Variants in CMYA5 observed in about 807,000 individuals in gnomAD.
CMYA5 encodes the protein cardiomyopathy associated 5.
A neutral mutation model predicts 318.9 loss-of-function variants in CMYA5; 246 were observed. The ratio of observed to expected loss-of-function variants is 0.77; its 90% CI spans 0.70 to 0.86. CMYA5 has a LOEUF of 0.86. Ranked by LOEUF, CMYA5 falls within the 40% of genes least tolerant of loss-of-function variation. The pLI is 0.00. For synonymous variants in CMYA5, 1,641 were observed against 1,729.5 expected, an observed-to-expected ratio of 0.95 and a Z score of 1.27; for missense variants, 4,589 against 4,678.2, an observed-to-expected ratio of 0.98 and a Z score of 0.56.
At chr5:79,748,637 G>T (rs931359929) in intron 5 of CMYA5, among the ~76,000 whole-genome samples, 2 of 151,980 alleles carry the variant, frequency 1.3e-5, no homozygotes, top group Non-Finnish European at 2.9e-5. Context: ...CCACCTCCCG[G>T]GTTTAAGCAA....
At chr5:79,762,975 C>A (rs1390743430) in intron 8 of CMYA5, 87 bp from the exon 9 acceptor site, 2 of 1,426,434 alleles carry the variant, frequency 1.4e-6, no homozygotes, top group Admixed American at 2.1e-5. Flanking sequence ...CAGAATCATG[C>A]CGAAGCCGTG....
chr5:79,756,040 A>G (rs1828521540), intron 6 of CMYA5, among the ~76,000 whole-genome samples: 1 of 152,254 alleles, frequency 6.6e-6, no homozygotes, highest in South Asian at 2.1e-4. Flanking sequence ...ATTCTCAAAT[A>G]CTGCTTCAAA....
chr5:79,741,427 G>T (rs973006394), intron 2 of CMYA5, among the ~76,000 whole-genome samples: 1 of 152,118 alleles, frequency 6.6e-6, no homozygotes, highest in Admixed American at 6.5e-5. Context: ...TTAGGTCCTT[G>T]TTAAATAATT....
At chr5:79,788,466 ATTTTTTTT>A (rs3061542) in intron 9 of CMYA5, among the ~76,000 whole-genome samples, 1 of 139,604 alleles carries the variant, frequency 7.2e-6, no homozygotes, top group African/African-American at 2.6e-5. Context: ...AACTTTGAGA[ATTTTTTTT>A]TTTTTTTTTT....
intron 5 of CMYA5, among the ~76,000 whole-genome samples, chr5:79,748,520 CCTATCTATCTAT>C (rs5869002): frequency 4.0e-5 from 6 of 149,082 alleles, no homozygotes; most frequent in Non-Finnish European, 5.9e-5. Flanking sequence ...TATCTATCTA[CCTATCTATCTAT>C]CTATCTATCT....
intron 9 of CMYA5, among the ~76,000 whole-genome samples, chr5:79,769,382 G>A (rs763412071): frequency 2.0e-5 from 3 of 151,968 alleles, no homozygotes; most frequent in Non-Finnish European, 4.4e-5. Context: ...AGGTGTTCTG[G>A]TTTTTGGAAT....
chr5:79,786,033 G>A (rs1219607733), intron 9 of CMYA5, among the ~76,000 whole-genome samples: 2 of 152,156 alleles, frequency 1.3e-5, no homozygotes, highest in Non-Finnish European at 2.9e-5. Context: ...TCTCTCATTC[G>A]CAGAGCAGCC....
Position 79,689,996 on chromosome 5 carries a change from A to G in CMYA5, c.89A>G (p.Glu30Gly). The change falls in exon 1 of 13, where the codon GAG becomes GGG. Residue 30 changes from glutamate to glycine, a missense_variant. This residue lies in a region of CMYA5 where 2,132 missense variants were observed against 2,131.3 expected (regional missense o/e 1.00). Coordinates refer to ENST00000446378, the MANE Select transcript of CMYA5 (RefSeq NM_153610.5). ...GCGACCCGGGAGCTGGAGACCGAGGAGGAGTCGGAGGGCGAGGAGGACGAG... is the reference window on the plus strand; with the variant it reads ...GCGACCCGGGAGCTGGAGACCGAGGGGGAGTCGGAGGGCGAGGAGGACGAG... ...EEATRELETE[E>G]ESEGEEDETA... 6.9e-7 allele frequency: 1 copy of G among 1,446,710 alleles called. No individual in the cohort carries two copies. Among genetic ancestry groups the G allele is most frequent in the Non-Finnish European group, 9.4e-7 (1 of 1,068,016 alleles). 89.6% of individuals were successfully genotyped at this position (1,446,710 alleles called of 1,614,324 possible).
intron 9 of CMYA5, among the ~76,000 whole-genome samples, chr5:79,772,458 A>G (rs763764043): frequency 1.8e-4 from 27 of 152,188 alleles, no homozygotes; most frequent in Non-Finnish European, 3.5e-4. Context: ...GTGCAACGAT[A>G]TGTTCAGTCC....
At chr5:79,752,923 T>C (rs1435131036) in intron 6 of CMYA5, 129 bp downstream of exon 6, 3 of 599,240 alleles carry the variant, frequency 5.0e-6, no homozygotes, top group Admixed American at 2.9e-5. Flanking sequence ...AAAGTATTAG[T>C]TGTAAAATGT....
Position 79,732,767 on chromosome 5 carries a change from A to G in CMYA5, c.4002A>G (p.Leu1334=). 2 of 1,613,820 alleles carry G rather than the reference A, an allele frequency of 1.2e-6. No homozygotes were observed. The highest frequency in any genetic ancestry group is 1.7e-6 in the Non-Finnish European group (2 of 1,179,840). Residue 1334 remains leucine, a synonymous_variant, in exon 2 of 13, where the codon CTA becomes CTG. Coordinates refer to ENST00000446378, the MANE Select transcript of CMYA5 (RefSeq NM_153610.5). Reference sequence around the variant, plus strand: ...AAGTTGAACATGGTCCACCTGCACTAGCATTTTCAGCTTTGTCAGAAGAAA... The same window carrying G: ...AAGTTGAACATGGTCCACCTGCACTGGCATTTTCAGCTTTGTCAGAAGAAA... ...EKQVEHGPPA[L]AFSALSEEIK...
chr5:79,790,093 G>T (rs553239042), intron 10 of CMYA5, among the ~76,000 whole-genome samples: 3 of 152,142 alleles, frequency 2.0e-5, no homozygotes, highest in African/African-American at 4.8e-5. Context: ...ACAAGCGATC[G>T]GCTTACCCAG....
intron 8 of CMYA5, chr5:79,762,188 CCAGATATACA>C (rs1396253700): frequency 1.1e-5 from 5 of 462,854 alleles, no homozygotes; most frequent in Admixed American, 3.5e-5. Flanking sequence ...AGGGCCATAT[CCAGATATACA>C]CAGGTTATTA....
intron 12 of CMYA5, among the ~76,000 whole-genome samples, chr5:79,795,043 A>C (rs1464691394): frequency 6.6e-6 from 1 of 152,166 alleles, no homozygotes; most frequent in East Asian, 1.9e-4. Flanking sequence ...AAATCTTTAA[A>C]AAGCCCACAC....
At position 79,799,875 on chromosome 5, in the gene CMYA5, G is replaced by C; in HGVS notation, c.*259G>C. Reference sequence around the variant, plus strand: ...GTTTGAGTTCTTTCCTAAATTAAAAGATCTACACTTGAGTTGGGAACCGAA... The same window carrying C: ...GTTTGAGTTCTTTCCTAAATTAAAACATCTACACTTGAGTTGGGAACCGAA... On this transcript the variant is annotated 3_prime_UTR_variant, in exon 13 of 13. Transcript: ENST00000446378. The C allele has an allele frequency of 3.9e-6, 1 of 258,052 alleles. No individual in the cohort carries two copies. The highest frequency in any genetic ancestry group is 7.5e-6 in the Non-Finnish European group (1 of 134,164). 16.0% of individuals were successfully genotyped at this position (258,052 alleles called of 1,614,324 possible).
intron 1 of CMYA5, among the ~76,000 whole-genome samples, chr5:79,715,427 A>G (rs1031018374): frequency 2.6e-5 from 4 of 152,094 alleles, no homozygotes; most frequent in Admixed American, 2.6e-4. Context: ...AGCTGGGACT[A>G]CAGGCGCCCG....
In CMYA5 at chr5:79,730,840, C is replaced by T; in HGVS notation, c.2075C>T (p.Pro692Leu). Residue 692 changes from proline (P) to leucine (L), a missense_variant, in exon 2 of 13, where the codon CCA becomes CTA. Around this residue, in one of 3 missense-constraint regions of CMYA5, gnomAD observed 2,132 missense variants for 2,131.3 expected, o/e 1.00. Transcript: ENST00000446378. ...GCCTCAGAAAGTGGGTGTTACACACCAGACTCCACATCTGCTTCTGAATAT... is the reference window on the plus strand; with the variant it reads ...GCCTCAGAAAGTGGGTGTTACACACTAGACTCCACATCTGCTTCTGAATAT... ...DEASESGCYTPDSTSASEYSV... is the reference protein window; with the variant it reads ...DEASESGCYTLDSTSASEYSV... The T allele has an allele frequency of 6.2e-7, 1 of 1,613,912 alleles. No individual in the cohort carries two copies. The highest frequency in any genetic ancestry group is 1.7e-5 in the Admixed American group (1 of 59,994).
chr5:79,742,609 C>G (rs762546340), intron 2 of CMYA5, among the ~76,000 whole-genome samples: 1 of 152,178 alleles, frequency 6.6e-6, no homozygotes, highest in Non-Finnish European at 1.5e-5. Flanking sequence ...ACAGATCACC[C>G]AAGTCCTTGT....
chr5:79,707,161 G>C (rs1827290732), intron 1 of CMYA5, among the ~76,000 whole-genome samples: 1 of 152,154 alleles, frequency 6.6e-6, no homozygotes, highest in Non-Finnish European at 1.5e-5. Flanking sequence ...GGTCCTAAAT[G>C]ATGAGTGTTA....
Sources: gnomAD v4.1 joint callset for allele counts (sites outside exome capture counted in the v4.1 genomes callset) on GRCh38, gnomAD v4.1.1 for gene constraint, gnomAD v4.1.1 regional missense constraint, MANE v1.5 for transcripts, NCBI Gene and HGNC (gene_info 2026-07-23, HGNC 2026-07-21) for gene names.